VCL: variants seen among roughly 807,000 people sequenced by gnomAD.
VCL encodes the protein epididymis luminal protein 114.
Under a neutral mutation model 125.7 loss-of-function variants are expected in VCL, and 47 were observed. That is an observed-to-expected ratio of 0.37 (90% confidence interval 0.30 to 0.48). The LOEUF is 0.48. VCL is among the 20% of genes least tolerant of loss of function. The pLI, the probability that VCL is intolerant of heterozygous loss-of-function variation, is 0.99. For synonymous variants in VCL, 458 were observed against 514.6 expected, an observed-to-expected ratio of 0.89 and a Z score of 1.49; for missense variants, 1,069 against 1,455.5, an observed-to-expected ratio of 0.73 and a Z score of 4.32.
chr10:74,066,136 C>T (rs564311393), intron 2 of VCL, among the ~76,000 whole-genome samples: 24 of 149,810 alleles, frequency 1.6e-4, no homozygotes, highest in South Asian at 2.1e-4. Flanking sequence ...CTCAGCTCAC[C>T]GCAACCTCCG....
At chr10:74,089,464 C>A in intron 9 of VCL, 115 bp downstream of exon 9, 1 of 1,494,866 alleles carries the variant, frequency 6.7e-7, no homozygotes, top group South Asian at 1.2e-5. Flanking sequence ...ATAATGGTTT[C>A]TAAGTGATGA....
rs117038511 is a variant in VCL at position 74,014,135 on chromosome 10, A to G, written c.168+15760A>G. ...TGTTAGAAGCAATAGTGAGGGAAAA[A>G]GTATATATATATTTTCCAATTTGAA... On this transcript the variant is annotated intron_variant, in intron 1 of 21. Coordinates refer to ENST00000211998, the MANE Select transcript of VCL (RefSeq NM_014000.3). 2.8e-4 allele frequency among the ~76,000 whole-genome samples: 42 copies of G among 152,308 alleles called. No homozygotes were observed. In the East Asian group the frequency reaches 2.9e-3, roughly 10 times the overall value.
intron 1 of VCL, among the ~76,000 whole-genome samples, chr10:74,028,160 C>G (rs1312311429): frequency 1.3e-5 from 2 of 152,140 alleles, no homozygotes; most frequent in African/African-American, 2.4e-5. Context: ...ACTACAGCCT[C>G]GATCTTCTCA....
rs1840231142 is a variant in VCL at position 74,112,005 on chromosome 10, G to T, written c.2842G>T (p.Asp948Tyr). The change falls in exon 19 of 22, where the codon GAT (aspartate) becomes TAT (tyrosine). Residue 948 changes from aspartate to tyrosine, a missense_variant. Coordinates refer to ENST00000211998, the MANE Select transcript of VCL (RefSeq NM_014000.3). ...GFPVPPDMED[D>Y]YEPELLLMPS... ...CCCTGTCCCCCCTGACATGGAAGAC[G>T]ATTACGAACCTGAGCTGCTGTTAAT... 6.2e-7 allele frequency: 1 copy of T among 1,614,210 alleles called. No homozygotes were observed. The highest frequency in any genetic ancestry group is 8.5e-7 in the Non-Finnish European group (1 of 1,180,028).
At chr10:74,028,841 C>A (rs1422914147) in intron 1 of VCL, among the ~76,000 whole-genome samples, 4 of 152,172 alleles carry the variant, frequency 2.6e-5, no homozygotes, top group Non-Finnish European at 5.9e-5. Flanking sequence ...CCTTTGAGTT[C>A]TGTTACATAG....
chr10:74,034,189 A>G (rs1219257480), intron 1 of VCL, among the ~76,000 whole-genome samples: 2 of 152,164 alleles, frequency 1.3e-5, no homozygotes, highest in Non-Finnish European at 2.9e-5. Flanking sequence ...CAGACCTAAC[A>G]ATGTCTTTTA....
chr10:74,021,448 T>C (rs562166700), intron 1 of VCL, among the ~76,000 whole-genome samples: 1 of 152,264 alleles, frequency 6.6e-6, no homozygotes, highest in Non-Finnish European at 1.5e-5. Flanking sequence ...CATAGAAGAA[T>C]GACTTAAAAC....
At chr10:74,094,622 G>A (rs1200818827) in intron 11 of VCL, among the ~76,000 whole-genome samples, 161 bp downstream of exon 11, 2 of 152,156 alleles carry the variant, frequency 1.3e-5, no homozygotes, top group Non-Finnish European at 2.9e-5. Flanking sequence ...AAATTCCTGT[G>A]ATGTAATCAA....
intron 2 of VCL, among the ~76,000 whole-genome samples, chr10:74,063,491 C>T (rs1841512157): frequency 6.6e-6 from 1 of 152,208 alleles, no homozygotes; most frequent in African/African-American, 2.4e-5. Flanking sequence ...TGTAGCCCCA[C>T]ATTACTCCAG....
At chr10:74,062,013 T>A (rs751948722) in intron 2 of VCL, among the ~76,000 whole-genome samples, 3 of 149,382 alleles carry the variant, frequency 2.0e-5, no homozygotes, top group Non-Finnish European at 4.4e-5. Flanking sequence ...TCCTCCCACC[T>A]CAGCCTCAAG....
At chr10:74,000,056 G>T (rs940873028) in intron 1 of VCL, among the ~76,000 whole-genome samples, 1 of 152,100 alleles carries the variant, frequency 6.6e-6, no homozygotes, top group African/African-American at 2.4e-5. Context: ...GTAGTCTAGG[G>T]GTTGATATCT....
At chr10:74,100,859 C>A in intron 13 of VCL, 89 bp from the exon 14 acceptor site, 1 of 1,496,304 alleles carries the variant, frequency 6.7e-7, no homozygotes, top group Non-Finnish European at 9.3e-7. Flanking sequence ...TGAGCAGTTG[C>A]TGCCCTTCTT....
intron 2 of VCL, among the ~76,000 whole-genome samples, chr10:74,067,037 GTTATT>G (rs1428120290): frequency 6.6e-6 from 1 of 152,030 alleles, no homozygotes; most frequent in African/African-American, 2.4e-5. Flanking sequence ...TTTTACATGT[GTTATT>G]TTATTTTGTA....
rs1186978222 is a variant in VCL at position 74,094,016 on chromosome 10, C to T, written c.1353-255C>T. Among the ~76,000 whole-genome samples the T allele has an allele frequency of 2.0e-5, 3 of 152,316 alleles. No homozygotes were observed. In the East Asian group the frequency reaches 5.8e-4, roughly 29 times the overall value. ...GCTAACCTAGTGATGATTGATTGAG[C>T]TCCGCTAACCAAATGATTGATCTGA... On this transcript the variant is annotated intron_variant, in intron 10 of 21. Coordinates refer to ENST00000211998, the MANE Select transcript of VCL (RefSeq NM_014000.3).
At chr10:74,036,327 C>T (rs1262220850) in intron 1 of VCL, among the ~76,000 whole-genome samples, 2 of 152,046 alleles carry the variant, frequency 1.3e-5, no homozygotes, top group Admixed American at 6.5e-5. Context: ...CTCACCCTCC[C>T]GAGTAGCTGG....
At chr10:74,117,919 G>C in intron 21 of VCL, 104 bp from the exon 22 acceptor site, 1 of 1,504,422 alleles carries the variant, frequency 6.6e-7, no homozygotes, top group Non-Finnish European at 9.2e-7. Context: ...GGGGATGCCA[G>C]GTACCAGTGG....
intron 5 of VCL, among the ~76,000 whole-genome samples, chr10:74,073,467 A>G (rs1425534148): frequency 1.3e-5 from 2 of 152,238 alleles, no homozygotes; most frequent in African/African-American, 2.4e-5. Context: ...ACTCTCCTCT[A>G]TAAACTCTAG....
intron 2 of VCL, among the ~76,000 whole-genome samples, chr10:74,051,646 G>A: frequency 6.6e-6 from 1 of 152,148 alleles, no homozygotes; most frequent in East Asian, 1.9e-4. Flanking sequence ...AGTATGCTAA[G>A]GTACTTTCTC....
At chr10:74,026,582 A>G (rs1840776534) in intron 1 of VCL, among the ~76,000 whole-genome samples, 1 of 152,236 alleles carries the variant, frequency 6.6e-6, no homozygotes, top group South Asian at 2.1e-4. Flanking sequence ...TCACAAACGA[A>G]TATTGCAATG....
Sources: gnomAD v4.1 joint callset for allele counts (sites outside exome capture counted in the v4.1 genomes callset) on GRCh38, gnomAD v4.1.1 for gene constraint, MANE v1.5 for transcripts, NCBI Gene and HGNC (gene_info 2026-07-23, HGNC 2026-07-21) for gene names.